The following WDPCP variants were observed in gnomAD, a reference collection of about 807,000 sequenced individuals.
The protein encoded by WDPCP is WD repeat-containing and planar cell polarity effector protein fritz homolog.
Under a neutral mutation model 93.1 loss-of-function variants are expected in WDPCP, and 71 were observed. The observed-to-expected ratio is 0.76, with a 90% CI of 0.63 to 0.93. WDPCP has a LOEUF of 0.93. WDPCP is among the 40% of genes least tolerant of loss of function. The pLI, the probability that WDPCP is intolerant of heterozygous loss-of-function variation, is 0.00. For missense variants in WDPCP, 844 were observed against 887.4 expected, an observed-to-expected ratio of 0.95 and a Z score of 0.62; for synonymous variants, 315 against 315.0, an observed-to-expected ratio of 1.00 and a Z score of 0.00.
chr2:63,605,818 C>A, intron 3 of WDPCP: 1 of 817,386 alleles, frequency 1.2e-6, no homozygotes, highest in South Asian at 1.4e-5. Flanking sequence ...GATGATAGTT[C>A]CTTACACAGT....
At chr2:63,200,641 G>C (rs772810325) in intron 14 of WDPCP, among the ~76,000 whole-genome samples, 1 of 152,174 alleles carries the variant, frequency 6.6e-6, no homozygotes, top group Non-Finnish European at 1.5e-5. Flanking sequence ...GGAACTCAGA[G>C]AGAATAGAAC....
upstream of WDPCP, chr2:63,588,592 GA>G (rs886056228): frequency 1.9e-6 from 1 of 524,120 alleles, no homozygotes; most frequent in Non-Finnish European, 3.4e-6. Flanking sequence ...CTCATGGGAG[GA>G]TGCAGTCTCA....
chr2:63,191,128 C>G (rs143908747), intron 14 of WDPCP, among the ~76,000 whole-genome samples: 3 of 152,320 alleles, frequency 2.0e-5, no homozygotes, highest in African/African-American at 7.2e-5. Context: ...CATGGTGGCT[C>G]ACGCCTGTAA....
chr2:63,788,718 T>G (rs1670503204), intron 2 of WDPCP, among the ~76,000 whole-genome samples: 1 of 152,240 alleles, frequency 6.6e-6, no homozygotes, highest in Non-Finnish European at 1.5e-5. Flanking sequence ...CCTTAATTTT[T>G]TTGCACCAAT....
upstream of WDPCP, among the ~76,000 whole-genome samples, chr2:63,828,561 C>A (rs186052316): frequency 2.3e-3 from 347 of 152,120 alleles, 2 homozygotes; most frequent in African/African-American, 8.1e-3. Flanking sequence ...GAAAAAATAA[C>A]CTCTCCTCTA....
chr2:63,590,877 T>G (rs1353379197), upstream of WDPCP: 4 of 152,218 alleles, frequency 2.6e-5, no homozygotes, highest in African/African-American at 7.2e-5. Context: ...GAAAAGAGCC[T>G]TCTTCTGTAA....
At chr2:63,356,198 T>C (rs1406843494) in intron 12 of WDPCP, among the ~76,000 whole-genome samples, 1 of 152,168 alleles carries the variant, frequency 6.6e-6, no homozygotes, top group Non-Finnish European at 1.5e-5. Context: ...TACATAATGG[T>C]AAAGGATTCA....
intron 2 of WDPCP, among the ~76,000 whole-genome samples, chr2:63,810,400 T>C (rs576316757): frequency 1.3e-5 from 2 of 152,356 alleles, no homozygotes; most frequent in South Asian, 2.1e-4. Flanking sequence ...TAGGTACTAG[T>C]ATCAGTTCAT....
intron 14 of WDPCP, among the ~76,000 whole-genome samples, chr2:63,179,200 G>C (rs560318857): frequency 2.3e-5 from 3 of 127,820 alleles, no homozygotes; most frequent in Non-Finnish European, 5.4e-5. Flanking sequence ...ACCCTGTCTC[G>C]GGGGGAAAAA....
In WDPCP at chr2:63,219,519, G is replaced by A. The variant is rs866514746; in HGVS notation, c.1915+39788C>T. On this transcript the variant is annotated intron_variant, in intron 14 of 17. Coordinates refer to ENST00000272321, the MANE Select transcript of WDPCP (RefSeq NM_015910.7). ...AGATACTTTTCTTCCATTTAAAAGA[G>A]TAGTCTTGTATTTTCTTAAAGTGAT... 2.0e-5 allele frequency among the ~76,000 whole-genome samples: 3 copies of A among 152,180 alleles called. No individual in the cohort carries two copies. The South Asian group carries it at 6.2e-4, about 32-fold the overall frequency.
intron 2 of WDPCP, among the ~76,000 whole-genome samples, chr2:63,677,379 C>A (rs1710436023): frequency 6.6e-6 from 1 of 151,988 alleles, no homozygotes; most frequent in Non-Finnish European, 1.5e-5. Flanking sequence ...CACAGATCCA[C>A]AGAAGATCCA....
At chr2:63,165,782 C>T (rs1016432122) in intron 15 of WDPCP, among the ~76,000 whole-genome samples, 9 of 151,502 alleles carry the variant, frequency 5.9e-5, no homozygotes, top group African/African-American at 2.2e-4. Context: ...AAAACCCTCC[C>T]TTGTTTAAAT....
chr2:63,344,524 A>G (rs531368327), intron 12 of WDPCP, among the ~76,000 whole-genome samples: 3 of 152,160 alleles, frequency 2.0e-5, no homozygotes, highest in Non-Finnish European at 4.4e-5. Context: ...GTTGTACACA[A>G]TTCACTAACA....
intron 2 of WDPCP, among the ~76,000 whole-genome samples, chr2:63,806,747 C>T (rs375102691): frequency 2.6e-5 from 4 of 152,208 alleles, no homozygotes; most frequent in African/African-American, 4.8e-5. Context: ...AAGAGTTCGG[C>T]GATATTTCTC....
intron 2 of WDPCP, among the ~76,000 whole-genome samples, chr2:63,678,683 G>T (rs1473001811): frequency 6.6e-6 from 1 of 152,206 alleles, no homozygotes; most frequent in African/African-American, 2.4e-5. Context: ...CAAGAGTTGG[G>T]ACCTGGAAGT....
intron 12 of WDPCP, among the ~76,000 whole-genome samples, chr2:63,347,747 C>A (rs561896390): frequency 7.1e-6 from 1 of 140,928 alleles, no homozygotes; most frequent in Non-Finnish European, 1.5e-5. Context: ...CCGCCCCCGA[C>A]TGGATATTCA....
chr2:63,507,421 G>T (rs1252637616), intron 1 of WDPCP, among the ~76,000 whole-genome samples: 1 of 151,994 alleles, frequency 6.6e-6, no homozygotes, highest in African/African-American at 2.4e-5. Context: ...TGAGTGTGAG[G>T]TTAGAAAAAA....
At chr2:63,301,286 C>A (rs1208142528) in intron 13 of WDPCP, among the ~76,000 whole-genome samples, 1 of 152,178 alleles carries the variant, frequency 6.6e-6, no homozygotes, top group East Asian at 1.9e-4. Flanking sequence ...GATACTGTCC[C>A]ATCAGCAGGA....
At chr2:63,701,933 T>C (rs920447395) in intron 2 of WDPCP, among the ~76,000 whole-genome samples, 4 of 152,244 alleles carry the variant, frequency 2.6e-5, no homozygotes, top group African/African-American at 4.8e-5. Context: ...TAGTGTTTCA[T>C]AGATAAATAG....
Sources: gnomAD v4.1 joint callset for allele counts (sites outside exome capture counted in the v4.1 genomes callset) on GRCh38, gnomAD v4.1.1 for gene constraint, MANE v1.5 for transcripts, NCBI Gene and HGNC (gene_info 2026-07-23, HGNC 2026-07-21) for gene names.